Variants in CD163L1 observed in about 807,000 individuals in gnomAD.
CD163L1 encodes the protein scavenger receptor cysteine-rich type 1 protein M160.
In CD163L1, 124 loss-of-function variants were observed where a neutral mutation model predicts 165.4. That is an observed-to-expected ratio of 0.75 (90% CI 0.65 to 0.87). CD163L1 has a LOEUF of 0.87. CD163L1 is among the 40% of genes least tolerant of loss of function. The probability of loss-of-function intolerance (pLI) is 0.00; values close to 1 mark genes in which losing one functional copy is unlikely to be tolerated. For synonymous variants in CD163L1, 585 were observed against 662.2 expected (o/e 0.88, Z 1.79); for missense variants, 1,525 against 1,799.9 (o/e 0.85, Z 2.76).
At chr12:7,333,510 T>C in the CD163L1 span, among the ~76,000 whole-genome samples, 2 of 152,222 alleles carry the variant, frequency 1.3e-5, no homozygotes, top group African/African-American at 4.8e-5. Context: ...GGGAAATTTA[T>C]AGCACTAAAT....
intron 8 of CD163L1, among the ~76,000 whole-genome samples, chr12:7,387,899 C>G (rs757681644): frequency 6.6e-6 from 1 of 152,142 alleles, no homozygotes; most frequent in Non-Finnish European, 1.5e-5. Flanking sequence ...GCTACAGTAA[C>G]CAAAACAGCC....
intron 2 of CD163L1, chr12:7,439,119 T>G (rs58992912): frequency 0.06 from 94,786 of 1,572,586 alleles, 4,799 homozygotes; most frequent in African/African-American, 0.21. Flanking sequence ...GCACTTTTAG[T>G]GTTTTGTTTC....
chr12:7,351,068 T>C (rs142885353), downstream of CD163L1, among the ~76,000 whole-genome samples: 341 of 152,310 alleles, frequency 2.2e-3, 4 homozygotes, highest in African/African-American at 7.0e-3. Context: ...TCAAGGATCA[T>C]GCATTGAACT....
At chr12:7,403,933 A>G in intron 5 of CD163L1, 78 bp from the exon 6 acceptor site, 1 of 1,134,848 alleles carries the variant, frequency 8.8e-7, no homozygotes, top group Non-Finnish European at 1.3e-6. Context: ...CAACCCCTCC[A>G]ATGTGAAGAT....
intron 9 of CD163L1, among the ~76,000 whole-genome samples, chr12:7,376,405 GAGTA>G (rs1432920773): frequency 6.6e-6 from 1 of 152,142 alleles, no homozygotes; most frequent in African/African-American, 2.4e-5. Context: ...CCATCTAAAT[GAGTA>G]ATTTATAAAC....
the CD163L1 span, chr12:7,324,148 T>A: frequency 8.6e-7 from 1 of 1,167,602 alleles, no homozygotes; most frequent in South Asian, 1.7e-5. Flanking sequence ...AGAGAGAGAC[T>A]CTGTCTCAAA....
In CD163L1 at chr12:7,379,182, T is replaced by G. The variant is rs750292004; in HGVS notation, c.2167A>C (p.Ile723Leu). ...AGTTGCCTGCAAACAACTTCAGCAA[T>G]GTTCATTCCCCAGCCATTAGCACAC... Reference protein sequence around the residue: ...ILCANGWGMNIAEVVCRQLEC... With the variant: ...ILCANGWGMNLAEVVCRQLEC... Residue 723 changes from isoleucine (I) to leucine (L), a missense_variant, in exon 9 of 20, where the codon ATT becomes CTT. Coordinates refer to ENST00000313599, the MANE Select transcript of CD163L1 (RefSeq NM_174941.6). The G allele has an allele frequency of 8.1e-6, 13 of 1,614,150 alleles. No homozygotes were observed. The highest frequency in any genetic ancestry group is 1.1e-5 in the Non-Finnish European group (13 of 1,180,024).
the CD163L1 span, among the ~76,000 whole-genome samples, chr12:7,327,346 G>C: frequency 1.3e-5 from 2 of 152,156 alleles, no homozygotes; most frequent in Non-Finnish European, 2.9e-5. Context: ...GGACTAACTA[G>C]TCCCATTCTG....
chr12:7,374,420 G>A lies in CD163L1; in HGVS notation c.3409+22C>T. On this transcript the variant is annotated intron_variant, in intron 13 of 19. Coordinates refer to ENST00000313599, the MANE Select transcript of CD163L1 (RefSeq NM_174941.6). The surrounding 1 kb of genome is among the most constrained non-coding windows in gnomAD (Gnocchi z 5.4). ...TGTGTGCACGTGTGTGTAGAGGAGGGTGAAAAGGTAGCAGCACAGACCTGA... is the reference window on the plus strand; with the variant it reads ...TGTGTGCACGTGTGTGTAGAGGAGGATGAAAAGGTAGCAGCACAGACCTGA... 6.3e-7 allele frequency: 1 copy of A among 1,589,580 alleles called. No individual in the cohort carries two copies. Among genetic ancestry groups the A allele is most frequent in the Non-Finnish European group, 8.6e-7 (1 of 1,166,986 alleles).
rs184567733 is a variant in CD163L1, at chr12:7,372,079, T to C, written c.3730+1241A>G. 4.1e-3 allele frequency among the ~76,000 whole-genome samples: 630 copies of C among 152,212 alleles called. 3 individuals carry two copies. The highest frequency in any genetic ancestry group is 0.014 in the African/African-American group (595 of 41,550). Reference sequence around the variant, plus strand: ...AAAAGAAGCAAAATGCTTAAAAATATGAACCACAAACAGACAATATTCATA... The same window carrying C: ...AAAAGAAGCAAAATGCTTAAAAATACGAACCACAAACAGACAATATTCATA... On this transcript the variant is annotated intron_variant, in intron 14 of 19. Transcript: ENST00000313599. The surrounding 1 kb of genome is among the most constrained non-coding windows in gnomAD (Gnocchi z 4.2).
the CD163L1 span, among the ~76,000 whole-genome samples, chr12:7,328,019 TA>T: frequency 1.3e-5 from 2 of 152,160 alleles, no homozygotes; most frequent in Non-Finnish European, 2.9e-5. Context: ...TAGTTTGAAC[TA>T]GGGGAAAGCA....
At chr12:7,419,681 T>C (rs751120952) in intron 4 of CD163L1, among the ~76,000 whole-genome samples, 13 of 151,952 alleles carry the variant, frequency 8.6e-5, no homozygotes, top group Non-Finnish European at 7.4e-5. Flanking sequence ...AATTAATGTA[T>C]ACAAATCAGT....
chr12:7,364,146 T>TA (rs775649867), intron 18 of CD163L1, among the ~76,000 whole-genome samples: 4 of 152,042 alleles, frequency 2.6e-5, no homozygotes, highest in Non-Finnish European at 5.9e-5. Flanking sequence ...AGCAAATCAA[T>TA]AAAAAAGTGA....
chr12:7,421,115 GA>G (rs1311606649), intron 4 of CD163L1, among the ~76,000 whole-genome samples: 2 of 70,048 alleles, frequency 2.9e-5, no homozygotes, highest in African/African-American at 1.6e-4. Context: ...ACATTTGGAA[GA>G]AAATGTATAT....
At chr12:7,391,463 A>T (rs1947652317) in intron 8 of CD163L1, among the ~76,000 whole-genome samples, 2 of 152,214 alleles carry the variant, frequency 1.3e-5, no homozygotes, top group Admixed American at 1.3e-4. Context: ...AAGAAAGCTT[A>T]AAAACCTTGA....
At chr12:7,323,751 T>C in the CD163L1 span, among the ~76,000 whole-genome samples, 1 of 152,148 alleles carries the variant, frequency 6.6e-6, no homozygotes, top group African/African-American at 2.4e-5. Flanking sequence ...GTTGCAGTGG[T>C]TATCCTCAGA....
At chr12:7,431,285 C>T (rs935113087) in intron 4 of CD163L1, among the ~76,000 whole-genome samples, 6 of 151,784 alleles carry the variant, frequency 4.0e-5, no homozygotes, top group Admixed American at 6.6e-5. Context: ...GGCGTGGTTG[C>T]GGGTGCCTGC....
Position 7,440,676 on chromosome 12 carries a change from G to A in CD163L1, c.124+478C>T, listed in dbSNP as rs372277674. 1.3e-4 allele frequency among the ~76,000 whole-genome samples: 19 copies of A among 149,208 alleles called. 1 individual carries two copies. The East Asian group carries it at 2.0e-3, about 15-fold the overall frequency. On this transcript the variant is annotated intron_variant, in intron 2 of 19. Transcript: ENST00000313599. ...GAGTCTTGCTCTGTCGCCCAGGCTGGAGTGTAGGGGCACGATCTCGGCTCA... is the reference window on the plus strand; with the variant it reads ...GAGTCTTGCTCTGTCGCCCAGGCTGAAGTGTAGGGGCACGATCTCGGCTCA...
the CD163L1 span, among the ~76,000 whole-genome samples, chr12:7,330,983 G>A: frequency 4.6e-5 from 7 of 152,194 alleles, no homozygotes; most frequent in African/African-American, 1.2e-4. Context: ...GAAGCAGGGC[G>A]AGGCATCGCC....
Sources: gnomAD v4.1 joint callset for allele counts (sites outside exome capture counted in the v4.1 genomes callset) on GRCh38, gnomAD v4.1.1 for gene constraint, Gnocchi (gnomAD v3.1) non-coding constraint, MANE v1.5 for transcripts, NCBI Gene and HGNC (gene_info 2026-07-23, HGNC 2026-07-21) for gene names.